Variants in CCDC88A observed in about 807,000 individuals in gnomAD.
CCDC88A encodes the protein coiled-coil and HOOK domain protein 88A.
A neutral mutation model predicts 234.3 loss-of-function variants in CCDC88A; 54 were observed. That is an observed-to-expected ratio of 0.23 (90% CI 0.19 to 0.29). The LOEUF (loss-of-function observed/expected upper bound fraction) is 0.29. CCDC88A is among the 10% of genes least tolerant of loss of function. The pLI, the probability that CCDC88A is intolerant of heterozygous loss-of-function variation, is 1.00. For synonymous variants in CCDC88A, 753 were observed against 737.8 expected (o/e 1.02, Z -0.33); for missense variants, 1,832 against 2,123.4 (o/e 0.86, Z 2.70).
Position 55,419,720 on chromosome 2 carries a change from G to C in CCDC88A, c.-641C>G, listed in dbSNP as rs948597980. ...CCAGCCCCCTTCCCCTCCCGGGGGT[G>C]GGGGCTTGAATGTGTGTCCCTAACC... On this transcript the variant is annotated 5_prime_UTR_variant, in exon 1 of 33. Transcript: ENST00000436346. The C allele has an allele frequency of 4.6e-4, 70 of 151,958 alleles. No homozygotes were observed. The highest frequency in any genetic ancestry group is 2.6e-4 in the Admixed American group (4 of 15,276). 9.4% of individuals were successfully genotyped at this position (151,958 alleles called of 1,614,324 possible). A position where few individuals can be genotyped will look rare whatever the true frequency, so the allele number is the denominator to read the frequency against.
chr2:55,296,171 AC>A lies in CCDC88A; in HGVS notation c.5091+86del, dbSNP rs113696484. 451 of 1,152,376 alleles carry A rather than the reference AC, an allele frequency of 3.9e-4. 4 individuals are homozygous for A. The African/African-American group carries it at 6.8e-3, about 17-fold the overall frequency. 71.4% of individuals were successfully genotyped at this position (1,152,376 alleles called of 1,614,324 possible). ...GGTACCTCTTAATACTCCTTAACTT[AC>A]CAAAAAAAAAAAGCTCTGAAGTTCA... is the stretch of plus-strand genomic sequence containing the variant. On this transcript the variant is annotated intron_variant, in intron 30 of 32. Transcript: ENST00000436346.
chr2:55,317,323 C>G lies in CCDC88A; in HGVS notation c.3629G>C (p.Gly1210Ala), dbSNP rs752750237. The G allele has an allele frequency of 1.3e-6, 2 of 1,527,550 alleles. No individual in the cohort carries two copies. The highest frequency in any genetic ancestry group is 1.4e-5 in the South Asian group (1 of 72,172). 94.6% of individuals were successfully genotyped at this position (1,527,550 alleles called of 1,614,324 possible). A position where few individuals can be genotyped will look rare whatever the true frequency, so the allele number is the denominator to read the frequency against. The change falls in exon 21 of 33, where the codon GGA becomes GCA. Residue 1210 changes from glycine (G) to alanine (A), a missense_variant. Physicochemically the swap from Gly to Ala is moderately conservative, Grantham distance 60 (BLOSUM62 0). Transcript: ENST00000436346. The surrounding 1 kb of genome is among the most constrained non-coding windows in gnomAD (Gnocchi z 4.2). ...CATTTTTTCCAAATCTTCCAACTGT[C>G]CTTTCTGTTTTAATAACTGATTGTA... is the stretch of plus-strand genomic sequence containing the variant. The part of the protein sequence containing the change: ...DRYNQLLKQK[G>A]QLEDLEKMLK...
chr2:55,407,701 G>A (rs1313009362), intron 2 of CCDC88A, among the ~76,000 whole-genome samples: 1 of 150,148 alleles, frequency 6.7e-6, no homozygotes, highest in Non-Finnish European at 1.5e-5. Context: ...TTTATTCATT[G>A]CCCAGCTTTC....
chr2:55,415,644 T>C (rs919334976), intron 2 of CCDC88A, among the ~76,000 whole-genome samples: 1 of 151,730 alleles, frequency 6.6e-6, no homozygotes, highest in Admixed American at 6.6e-5. Flanking sequence ...CTTAACAGAG[T>C]TGAACAGTGA....
At position 55,310,495 on chromosome 2, in the gene CCDC88A, T is replaced by C. The variant is rs533717055; in HGVS notation, c.4080-1241A>G. On this transcript the variant is annotated intron_variant, in intron 23 of 32. Coordinates refer to ENST00000436346, the MANE Select transcript of CCDC88A (RefSeq NM_001365480.1). ...TACTTGGAAGGCTGAGGCAGGAGAA[T>C]AGCCTGAACTCAGGAGTGGAGTTTG... Among the ~76,000 whole-genome samples the C allele has an allele frequency of 3.9e-5, 6 of 151,902 alleles. No individual in the cohort carries two copies. The South Asian group carries it at 1.0e-3, about 26-fold the overall frequency.
At chr2:55,383,233 C>G (rs1574386307) in intron 3 of CCDC88A, among the ~76,000 whole-genome samples, 1 of 152,066 alleles carries the variant, frequency 6.6e-6, no homozygotes, top group South Asian at 2.1e-4. Context: ...TGATGCTTAC[C>G]AACCTATCAA....
intron 25 of CCDC88A, among the ~76,000 whole-genome samples, chr2:55,305,547 T>C (rs1681447617): frequency 6.6e-6 from 1 of 151,240 alleles, no homozygotes; most frequent in African/African-American, 2.5e-5. Flanking sequence ...TATATCTGAA[T>C]TGACATTTTT....
rs1679386449 is a variant in CCDC88A, at chr2:55,290,731, C to T, written c.*469G>A. 2.0e-5 allele frequency: 3 copies of T among 152,514 alleles called. No individual in the cohort carries two copies. The highest frequency in any genetic ancestry group is 2.0e-4 in the Admixed American group (3 of 15,264). The allele number at this position is 152,514 out of a possible 1,614,324, so 9.4% of individuals were successfully genotyped here. On this transcript the variant is annotated 3_prime_UTR_variant, in exon 33 of 33. Transcript: ENST00000436346. ...GCTATATAGTACATTCCACAAAATACTACAGCATTTAATTTAGGTTTACAC... is the reference window on the plus strand; with the variant it reads ...GCTATATAGTACATTCCACAAAATATTACAGCATTTAATTTAGGTTTACAC...
chr2:55,417,536 G>A (rs745373755), intron 2 of CCDC88A: 1 of 151,740 alleles, frequency 6.6e-6, no homozygotes, highest in East Asian at 1.9e-4. Flanking sequence ...TGATGTCTAC[G>A]CTCTTTTTTC....
intron 2 of CCDC88A, among the ~76,000 whole-genome samples, chr2:55,398,810 G>A (rs1368666364): frequency 6.6e-6 from 1 of 151,708 alleles, no homozygotes; most frequent in African/African-American, 2.4e-5. Context: ...GGCTGCAGTG[G>A]ACTGTGATTA....
chr2:55,387,835 C>T (rs886998786), intron 3 of CCDC88A, among the ~76,000 whole-genome samples: 5 of 140,260 alleles, frequency 3.6e-5, no homozygotes, highest in East Asian at 2.1e-4. Flanking sequence ...GGAAAAGAGA[C>T]AATTACTGAT....
rs139532875 is a variant in CCDC88A at position 55,409,340 on chromosome 2, G to A, written c.164+9476C>T. On this transcript the variant is annotated intron_variant, in intron 2 of 32. Coordinates refer to ENST00000436346, the MANE Select transcript of CCDC88A (RefSeq NM_001365480.1). ...TCCTGTTCACTCTGATTTCTCCTACGGAGCTCTCATGTCCAGCTCAAACAT... is the reference window on the plus strand; with the variant it reads ...TCCTGTTCACTCTGATTTCTCCTACAGAGCTCTCATGTCCAGCTCAAACAT... Among the ~76,000 whole-genome samples the A allele has an allele frequency of 2.4e-3, 359 of 151,936 alleles. 1 individual carries two copies. Among genetic ancestry groups the A allele is most frequent in the African/African-American group, 7.6e-3 (316 of 41,420 alleles).
chr2:55,355,368 T>C (rs1039758064), intron 8 of CCDC88A: 7 of 493,982 alleles, frequency 1.4e-5, no homozygotes, highest in African/African-American at 1.2e-4. Context: ...CATACTAGAA[T>C]GCTAGAAAGG....
intron 9 of CCDC88A, chr2:55,349,217 G>A: frequency 6.5e-6 from 2 of 309,382 alleles, no homozygotes; most frequent in Non-Finnish European, 1.2e-5. Flanking sequence ...GTTTACAGTA[G>A]AGGTGTTCTA....
In CCDC88A at chr2:55,328,171, A is replaced by G. The variant is rs1225203685; in HGVS notation, c.2997+123T>C. On this transcript the variant is annotated intron_variant, in intron 17 of 32. Coordinates refer to ENST00000436346, the MANE Select transcript of CCDC88A (RefSeq NM_001365480.1). The surrounding 1 kb of genome is among the most constrained non-coding windows in gnomAD (Gnocchi z 4.3). ...TTAAGAATATTCTCAAGTTTATGAAAAAGGAAGAAATAGACTAAATATCAA... is the reference window on the plus strand; with the variant it reads ...TTAAGAATATTCTCAAGTTTATGAAGAAGGAAGAAATAGACTAAATATCAA... The G allele has an allele frequency of 1.3e-6, 1 of 783,334 alleles. No homozygotes were observed. The highest frequency in any genetic ancestry group is 2.0e-6 in the Non-Finnish European group (1 of 499,568). 48.5% of individuals were successfully genotyped at this position (783,334 alleles called of 1,614,324 possible).
At chr2:55,359,751 G>C (rs1412302382) in intron 7 of CCDC88A, among the ~76,000 whole-genome samples, 2 of 151,082 alleles carry the variant, frequency 1.3e-5, no homozygotes, top group Admixed American at 6.6e-5. Flanking sequence ...GTTCTTTTTT[G>C]AAATAGTTTG....
intron 6 of CCDC88A, among the ~76,000 whole-genome samples, chr2:55,362,943 G>A (rs1671507070): frequency 1.3e-5 from 2 of 151,940 alleles, no homozygotes; most frequent in South Asian, 4.1e-4. Context: ...ATCTTGAAAA[G>A]AATGGAAAAG....
At chr2:55,391,677 C>T (rs12713293) in intron 2 of CCDC88A, among the ~76,000 whole-genome samples, 46,296 of 151,896 alleles carry the variant, frequency 0.3, 7,470 homozygotes, top group East Asian at 0.54. Context: ...GTATAGCAAA[C>T]GATTAGTGAA....
At chr2:55,366,174 C>T (rs1671916515) in intron 5 of CCDC88A, among the ~76,000 whole-genome samples, 2 of 152,066 alleles carry the variant, frequency 1.3e-5, no homozygotes, top group Non-Finnish European at 1.5e-5. Flanking sequence ...AATTTTTTAA[C>T]TCTATTGTAT....
Sources: gnomAD v4.1 joint callset for allele counts (sites outside exome capture counted in the v4.1 genomes callset) on GRCh38, gnomAD v4.1.1 for gene constraint, Gnocchi (gnomAD v3.1) non-coding constraint, MANE v1.5 for transcripts, NCBI Gene and HGNC (gene_info 2026-07-23, HGNC 2026-07-21) for gene names.